The following HIGD1B variants were observed in gnomAD, a reference collection of about 807,000 sequenced individuals.
The protein encoded by HIGD1B is HIG1 domain family member 1B.
HIGD1B carries 9 observed loss-of-function variants against 8.8 expected under a neutral mutation model. The ratio of observed to expected loss-of-function variants is 1.02; its 90% CI spans 0.62 to 1.78. The LOEUF (loss-of-function observed/expected upper bound fraction) is 1.78. Ranked by LOEUF, HIGD1B falls within the 40% of genes most tolerant of loss-of-function variation. The pLI is 0.00. For synonymous variants in HIGD1B, 47 were observed against 38.8 expected (o/e 1.21, Z -0.78); for missense variants, 126 against 111.8 (o/e 1.13, Z -0.57).
upstream of HIGD1B, among the ~76,000 whole-genome samples, chr17:44,846,843 G>A (rs1177287374): frequency 6.6e-6 from 1 of 151,740 alleles, no homozygotes; most frequent in Non-Finnish European, 1.5e-5. Flanking sequence ...GGCTTAGAAG[G>A]TATCCCATTG....
intron 2 of HIGD1B, chr17:44,849,933 G>GC (rs1331311075): frequency 5.5e-5 from 11 of 199,254 alleles, no homozygotes; most frequent in Non-Finnish European, 3.1e-5. Flanking sequence ...GAAAAATCAT[G>GC]CAACAGAACA....
Position 44,847,974 on chromosome 17 carries a change from C to G in HIGD1B, c.-179C>G, listed in dbSNP as rs2050340994. ...TGGCCCAGCCACCTGAGATGGGATA[C>G]CTGGGAGGGACATCTTTTCAAGTAG... On this transcript the variant is annotated 5_prime_UTR_variant, in exon 1 of 3. The change creates a premature stop within an existing upstream ORF in the 5' untranslated region. Transcript: ENST00000253410. 3.9e-6 allele frequency: 2 copies of G among 518,654 alleles called. No individual in the cohort carries two copies. 32.1% of individuals were successfully genotyped at this position (518,654 alleles called of 1,614,324 possible).
chr17:44,847,739 C>T (rs2050337985), upstream of HIGD1B, among the ~76,000 whole-genome samples: 1 of 152,226 alleles, frequency 6.6e-6, no homozygotes, highest in Admixed American at 6.5e-5. Flanking sequence ...CAGGAGAAAC[C>T]ATCACAGACC....
chr17:44,847,160 G>C (rs963099342), upstream of HIGD1B, among the ~76,000 whole-genome samples: 2 of 151,730 alleles, frequency 1.3e-5, no homozygotes, highest in African/African-American at 4.8e-5. Flanking sequence ...AGGGCCGGGC[G>C]CGGTGGCTCA....
chr17:44,849,758 C>CAAAAAAAAAAAAAAAAAA (rs61617877), intron 2 of HIGD1B, among the ~76,000 whole-genome samples: 3 of 52,542 alleles, frequency 5.7e-5, no homozygotes, highest in African/African-American at 2.1e-4. Context: ...GACTCTGTCT[C>CAAAAAAAAAAAAAAAAAA]AAAAAAAAAA....
Position 44,850,459 on chromosome 17 carries a change from A to C in HIGD1B, c.*63A>C. On this transcript the variant is annotated 3_prime_UTR_variant, in exon 3 of 3. Transcript: ENST00000253410. ...CTCAATCCCTGGTACATTCCTAATA[A>C]AGCAGTTTTGAGGAAAATCAACAGA... The C allele has an allele frequency of 2.3e-6, 3 of 1,280,404 alleles. No individual in the cohort carries two copies. The Admixed American group carries it at 5.7e-5, about 24-fold the overall frequency. 79.3% of individuals were successfully genotyped at this position (1,280,404 alleles called of 1,614,324 possible). A position where few individuals can be genotyped will look rare whatever the true frequency, so the allele number is the denominator to read the frequency against.
chr17:44,849,440 T>G (rs773975306), intron 2 of HIGD1B, 52 bp downstream of exon 2: 3 of 1,605,246 alleles, frequency 1.9e-6, no homozygotes, highest in South Asian at 2.2e-5. Flanking sequence ...TTATGCAGTT[T>G]GTAGGTCTTT....
chr17:44,845,299 A>G (rs1235110674), upstream of HIGD1B, among the ~76,000 whole-genome samples: 4 of 151,802 alleles, frequency 2.6e-5, no homozygotes, highest in Admixed American at 1.3e-4. Flanking sequence ...TGAGTACAGA[A>G]GAGCCCTAAT....
At chr17:44,850,239 A>T in intron 2 of HIGD1B, 93 bp from the exon 3 acceptor site, 1 of 908,710 alleles carries the variant, frequency 1.1e-6, no homozygotes, top group African/African-American at 1.6e-5. Context: ...CTCTCAAGGG[A>T]GCAGCTAGAG....
At chr17:44,849,961 CCTCTT>C in intron 2 of HIGD1B, 2 of 214,278 alleles carry the variant, frequency 9.3e-6, no homozygotes, top group South Asian at 1.9e-4. Flanking sequence ...AATTTCTCTT[CCTCTT>C]GAGATTAAAA....
At chr17:44,848,551 C>T (rs2050356791) in intron 1 of HIGD1B, among the ~76,000 whole-genome samples, 1 of 152,020 alleles carries the variant, frequency 6.6e-6, no homozygotes, top group African/African-American at 2.4e-5. Context: ...CCTTATGGCC[C>T]TGGTAGAGTA....
At chr17:44,845,358 A>G (rs1597775880), upstream of HIGD1B, among the ~76,000 whole-genome samples, 1 of 151,950 alleles carries the variant, frequency 6.6e-6, no homozygotes, top group African/African-American at 2.4e-5. Flanking sequence ...CCCCATAGGT[A>G]GTATAAAGAG....
upstream of HIGD1B, among the ~76,000 whole-genome samples, chr17:44,845,964 C>G (rs1192481576): frequency 6.6e-6 from 1 of 152,002 alleles, no homozygotes; most frequent in East Asian, 1.9e-4. Flanking sequence ...CAAAAGACAG[C>G]CTAGAGAGTC....
Position 44,849,347 on chromosome 17 carries a change from G to C in HIGD1B, c.194G>C (p.Arg65Pro), listed in dbSNP as rs142682593. ...ATGTCCATACACCTGATTCACACCC[G>C]AGTGGCAGCGCAGGCCTGTGCAGTG... The part of the protein sequence containing the change: ...TKMSIHLIHT[R>P]VAAQACAVGA... The change falls in exon 2 of 3, where the codon CGA becomes CCA. Residue 65 changes from arginine (R) to proline (P), a missense_variant. Arg to Pro is a moderately radical substitution (Grantham distance 103). Transcript: ENST00000253410. The C allele has an allele frequency of 6.2e-7, 1 of 1,614,140 alleles. No individual in the cohort carries two copies. Among genetic ancestry groups the C allele is most frequent in the East Asian group, 2.2e-5 (1 of 44,880 alleles).
Position 44,850,394 on chromosome 17 carries a change from T to C in HIGD1B, c.298T>C (p.Ter100GlnextTer20), listed in dbSNP as rs769256050. 1.9e-5 allele frequency: 31 copies of C among 1,610,916 alleles called. No individual in the cohort carries two copies. The highest frequency in any genetic ancestry group is 6.6e-5 in the South Asian group (6 of 90,560). Residue 100 changes from the stop codon to glutamine, a stop_lost, in exon 3 of 3, where the codon TAG becomes CAG. Transcript: ENST00000253410. ...GATGGCACAGGATGCTGGAGAGAAG[T>C]AGGACTCCTATAGGAGCCGGGGCTG... is the stretch of plus-strand genomic sequence containing the variant. ...KRMAQDAGEK[*>Q]
chr17:44,845,862 C>T (rs546039926), upstream of HIGD1B, among the ~76,000 whole-genome samples: 9 of 151,234 alleles, frequency 6.0e-5, no homozygotes, highest in East Asian at 1.6e-3. Flanking sequence ...AACCTGGGAG[C>T]GGAGGTTACA....
chr17:44,848,523 G>T (rs1330430054), intron 1 of HIGD1B, among the ~76,000 whole-genome samples: 1 of 152,192 alleles, frequency 6.6e-6, no homozygotes, highest in Non-Finnish European at 1.5e-5. Flanking sequence ...ACACCTTGGG[G>T]TCCCCCAGGG....
At chr17:44,849,160 A>G in intron 1 of HIGD1B, 94 bp from the exon 2 acceptor site, 2 of 1,463,376 alleles carry the variant, frequency 1.4e-6, no homozygotes, top group Non-Finnish European at 1.9e-6. Flanking sequence ...CCAGCTGTTT[A>G]TCCAGATGCC....
In HIGD1B at chr17:44,847,884, G is replaced by A; in HGVS notation, c.-269G>A. On this transcript the variant is annotated 5_prime_UTR_variant, in exon 1 of 3. It adds an upstream start codon to the 5' untranslated region. Transcript: ENST00000253410. ...GGGGGAAGGGGAAGCTGAGAAAGCA[G>A]TGAAGACAGAATGAGCTGGGGAAGA... The A allele has an allele frequency of 2.8e-6, 1 of 351,826 alleles. No individual in the cohort carries two copies. The highest frequency in any genetic ancestry group is 3.5e-5 in the South Asian group (1 of 28,526). 21.8% of individuals were successfully genotyped at this position (351,826 alleles called of 1,614,324 possible).
Sources: allele counts gnomAD v4.1 joint callset (sites outside exome capture counted in the v4.1 genomes callset), GRCh38; gene constraint gnomAD v4.1.1; transcripts MANE v1.5; gene names NCBI Gene and HGNC (gene_info 2026-07-23, HGNC 2026-07-21).